NXPE2: variants seen among roughly 807,000 people sequenced by gnomAD.
The protein encoded by NXPE2 is neurexophilin and PC-esterase domain family member 2, also known as NXPE family member 2.
A neutral mutation model predicts 34.4 loss-of-function variants in NXPE2; 34 were observed. The observed-to-expected ratio is 0.99, with a 90% CI of 0.75 to 1.31. The LOEUF (loss-of-function observed/expected upper bound fraction) is 1.31. Among genes scored for constraint, NXPE2 ranks in the 40% most tolerant of loss-of-function variants. NXPE2 has a pLI of 0.00. For synonymous variants in NXPE2, 235 were observed against 231.3 expected, an observed-to-expected ratio of 1.02 and a Z score of -0.15; for missense variants, 649 against 672.5, an observed-to-expected ratio of 0.97 and a Z score of 0.39.
the NXPE2 span, chr11:114,528,890 G>T: frequency 3.0e-5 from 18 of 600,882 alleles, no homozygotes; most frequent in East Asian, 2.5e-4. Flanking sequence ...GCATAAGGAT[G>T]GTTGATGGGT....
At chr11:114,582,409 C>A in the NXPE2 span, 3 of 1,614,204 alleles carry the variant, frequency 1.9e-6, no homozygotes, top group Non-Finnish European at 2.5e-6. Context: ...CCTTCTTGGT[C>A]TCTGTTGTCC....
At chr11:114,470,944 C>T in the NXPE2 span, among the ~76,000 whole-genome samples, 3 of 152,166 alleles carry the variant, frequency 2.0e-5, no homozygotes, top group Non-Finnish European at 4.4e-5. Context: ...AAACCGAGTA[C>T]AATGGCCTAG....
At chr11:114,472,417 T>C in the NXPE2 span, among the ~76,000 whole-genome samples, 4 of 152,076 alleles carry the variant, frequency 2.6e-5, no homozygotes, top group Admixed American at 1.3e-4. Context: ...AAAAATCTTA[T>C]AATGTTTTAA....
chr11:114,589,094 G>A, the NXPE2 span, among the ~76,000 whole-genome samples: 1 of 152,154 alleles, frequency 6.6e-6, no homozygotes, highest in East Asian at 1.9e-4. Context: ...AGTTGCTATT[G>A]ATGTGGGAAG....
chr11:114,652,299 C>T, the NXPE2 span, among the ~76,000 whole-genome samples: 96 of 152,302 alleles, frequency 6.3e-4, 1 homozygote, highest in Non-Finnish European at 9.0e-4. Flanking sequence ...CTTAAGGCAT[C>T]CTGTTCCTTC....
chr11:114,698,436 A>G lies in NXPE2; in HGVS notation c.524A>G (p.Tyr175Cys). Residue 175 changes from tyrosine (Y) to cysteine (C), a missense_variant, in exon 3 of 6, where the codon TAC (tyrosine) becomes TGC (cysteine). Physicochemically the swap from Tyr to Cys is radical, Grantham distance 194. Coordinates refer to ENST00000389586, the MANE Select transcript of NXPE2 (RefSeq NM_182495.6). ...GKVTDFNNGT[Y>C]LVSFTLFWEG... is the part of the protein sequence containing the mutation. ...GTGACTGACTTCAACAACGGCACCT[A>G]CCTGGTCAGCTTCACTCTGTTCTGG... 1 of 1,613,998 alleles carries G rather than the reference A, an allele frequency of 6.2e-7. No individual in the cohort carries two copies. Among genetic ancestry groups the G allele is most frequent in the Non-Finnish European group, 8.5e-7 (1 of 1,179,928 alleles).
the NXPE2 span, among the ~76,000 whole-genome samples, chr11:114,621,055 G>A: frequency 7.9e-5 from 12 of 152,172 alleles, no homozygotes; most frequent in East Asian, 3.9e-4. Flanking sequence ...GTGTTGCCTC[G>A]TTGGTAACCA....
chr11:114,811,484 A>T, the NXPE2 span, among the ~76,000 whole-genome samples: 5 of 152,202 alleles, frequency 3.3e-5, no homozygotes, highest in Admixed American at 3.3e-4. Flanking sequence ...GATTCCAACT[A>T]TCACAACCAG....
chr11:114,534,826 G>A, the NXPE2 span, among the ~76,000 whole-genome samples: 13 of 152,280 alleles, frequency 8.5e-5, no homozygotes, highest in South Asian at 8.3e-4. Flanking sequence ...GAAAGTGACG[G>A]GGAGAATGGA....
chr11:114,699,875 C>T (rs765162988), intron 3 of NXPE2, among the ~76,000 whole-genome samples: 20 of 151,880 alleles, frequency 1.3e-4, no homozygotes, highest in African/African-American at 4.1e-4. Flanking sequence ...CTCACTGCAA[C>T]CTCCGCCTCC....
At chr11:114,508,731 C>T in the NXPE2 span, among the ~76,000 whole-genome samples, 31 of 152,268 alleles carry the variant, frequency 2.0e-4, no homozygotes, top group African/African-American at 6.3e-4. Context: ...ACACCTTATA[C>T]GAAAATTGTC....
At chr11:114,599,782 G>A in the NXPE2 span, among the ~76,000 whole-genome samples, 1 of 152,090 alleles carries the variant, frequency 6.6e-6, no homozygotes, top group African/African-American at 2.4e-5. Flanking sequence ...GGGGGATGGT[G>A]CTAAACCATT....
At chr11:114,749,773 G>A in the NXPE2 span, among the ~76,000 whole-genome samples, 2 of 152,078 alleles carry the variant, frequency 1.3e-5, no homozygotes, top group Non-Finnish European at 2.9e-5. Flanking sequence ...CGTCACCTCT[G>A]TGGGAATGCC....
the NXPE2 span, among the ~76,000 whole-genome samples, chr11:114,749,769 C>A: frequency 6.6e-6 from 1 of 152,174 alleles, no homozygotes; most frequent in African/African-American, 2.4e-5. Flanking sequence ...TGGCCGTCAC[C>A]TCTGTGGGAA....
At chr11:114,715,101 T>G in the NXPE2 span, among the ~76,000 whole-genome samples, 4 of 152,190 alleles carry the variant, frequency 2.6e-5, no homozygotes, top group African/African-American at 9.6e-5. Flanking sequence ...ATAACACTGG[T>G]TGAGGATAGA....
At chr11:114,603,759 C>T in the NXPE2 span, among the ~76,000 whole-genome samples, 4 of 151,524 alleles carry the variant, frequency 2.6e-5, no homozygotes, top group Admixed American at 6.6e-5. Flanking sequence ...AGTATTTCCT[C>T]GTCTCCTAGG....
At chr11:114,765,031 T>G in the NXPE2 span, among the ~76,000 whole-genome samples, 1 of 152,322 alleles carries the variant, frequency 6.6e-6, no homozygotes, top group Admixed American at 6.5e-5. Context: ...AAGGTGTACC[T>G]CATTCCTCCA....
chr11:114,501,437 T>C, the NXPE2 span, among the ~76,000 whole-genome samples: 1 of 152,218 alleles, frequency 6.6e-6, no homozygotes, highest in African/African-American at 2.4e-5. Context: ...TAGCCTGTTT[T>C]TCTCTCAAGC....
At chr11:114,709,134 A>T (rs1286731345), downstream of NXPE2, among the ~76,000 whole-genome samples, 1 of 152,262 alleles carries the variant, frequency 6.6e-6, no homozygotes, top group South Asian at 2.1e-4. Flanking sequence ...AATTTAAATT[A>T]AATTAAGTAA....
Sources: gnomAD v4.1 joint callset for allele counts (sites outside exome capture counted in the v4.1 genomes callset) on GRCh38, gnomAD v4.1.1 for gene constraint, MANE v1.5 for transcripts, NCBI Gene and HGNC (gene_info 2026-07-23, HGNC 2026-07-21) for gene names.